PATJ: variants seen among roughly 807,000 people sequenced by gnomAD.
PATJ encodes the protein PATJ crumbs cell polarity complex component, also known as inaD-like protein.
Under a neutral mutation model 224.9 loss-of-function variants are expected in PATJ, and 190 were observed. That is an observed-to-expected ratio of 0.84 (90% confidence interval 0.75 to 0.95). PATJ has a LOEUF of 0.95. Ranked by LOEUF, PATJ falls within the 40% of genes least tolerant of loss-of-function variation. The probability of loss-of-function intolerance (pLI) is 0.00; values close to 1 mark genes in which losing one functional copy is unlikely to be tolerated. For synonymous variants in PATJ, 769 were observed against 820.3 expected (o/e 0.94, Z 1.07); for missense variants, 2,121 against 2,270.3 (o/e 0.93, Z 1.34).
At position 62,128,892 on chromosome 1, in the gene PATJ, C is replaced by T; in HGVS notation, c.5218C>T (p.His1740Tyr). Residue 1740 changes from histidine (H) to tyrosine (Y), a missense_variant, in exon 41 of 44, where the codon CAC (histidine) becomes TAC (tyrosine). His to Tyr is a moderately conservative substitution (Grantham distance 83). Coordinates refer to ENST00000642238, the MANE Select transcript of PATJ (RefSeq NM_001350145.3). ...CGGGCAACCTTTGGATGGGCTGTCT[C>T]ACGCGGATGTGGTTAATCTGCTGAA... ...INGQPLDGLSHADVVNLLKNA... is the reference protein window; with the variant it reads ...INGQPLDGLSYADVVNLLKNA... 2 of 1,613,740 alleles carry T rather than the reference C, an allele frequency of 1.2e-6. No homozygotes were observed. Among genetic ancestry groups the T allele is most frequent in the Non-Finnish European group, 1.7e-6 (2 of 1,179,672 alleles).
At position 61,886,819 on chromosome 1, in the gene PATJ, C is replaced by CAAAAAAAAAAAAAAAAAAACAAA. The variant is rs35950461; in HGVS notation, c.3131+2423_3131+2424insAAAAAAACAAAAAAAAAAAAAAA. Among the ~76,000 whole-genome samples the CAAAAAAAAAAAAAAAAAAACAAA allele has an allele frequency of 2.3e-5, 2 of 87,418 alleles. 1 individual carries two copies. Among genetic ancestry groups the CAAAAAAAAAAAAAAAAAAACAAA allele is most frequent in the Non-Finnish European group, 5.4e-5 (2 of 37,374 alleles). The allele number at this position is 87,418 out of a possible 152,430, so 57.3% of individuals were successfully genotyped here. On this transcript the variant is annotated intron_variant, in intron 22 of 43. Transcript: ENST00000642238. The stretch of plus-strand genomic sequence containing the variant: ...TGGGCAACAGAGCAAGACCCCATCT[C>CAAAAAAAAAAAAAAAAAAACAAA]AAAAAAAAAAAATTAGCCTGTTGTG...
At chr1:62,129,117 C>T (rs963201287) in intron 41 of PATJ, among the ~76,000 whole-genome samples, 172 bp downstream of exon 41, 1 of 152,108 alleles carries the variant, frequency 6.6e-6, no homozygotes, top group African/African-American at 2.4e-5. Context: ...TTAATGCCAC[C>T]CATACAGGTA....
At chr1:62,071,192 G>T (rs1291597957) in intron 31 of PATJ, among the ~76,000 whole-genome samples, 1 of 152,164 alleles carries the variant, frequency 6.6e-6, no homozygotes, top group Non-Finnish European at 1.5e-5. Flanking sequence ...GTCCTTTCTA[G>T]GTCGCTTCCA....
rs2149200692 is a variant in PATJ, at chr1:61,908,390, C to A, written c.3400C>A (p.Gln1134Lys). 4 of 1,612,822 alleles carry A rather than the reference C, an allele frequency of 2.5e-6. No individual in the cohort carries two copies. In the East Asian group the frequency reaches 8.9e-5, roughly 36 times the overall value. Residue 1134 changes from glutamine to lysine, a missense_variant, in exon 25 of 44, where the codon CAG becomes AAG. Physicochemically the swap from Gln to Lys is moderately conservative, Grantham distance 53 (BLOSUM62 1). Coordinates refer to ENST00000642238, the MANE Select transcript of PATJ (RefSeq NM_001350145.3). ...KILEVSGVDL[Q>K]NASHSEAVEA... is the part of the protein sequence containing the mutation. Reference sequence around the variant, plus strand: ...GTTTCAGGTGTCTGGAGTAGATTTGCAGAATGCCTCACACAGCGAAGCAGT... The same window carrying A: ...GTTTCAGGTGTCTGGAGTAGATTTGAAGAATGCCTCACACAGCGAAGCAGT...
chr1:62,114,387 G>A (rs748829077), intron 35 of PATJ, 141 bp downstream of exon 35: 1 of 788,324 alleles, frequency 1.3e-6, no homozygotes, highest in African/African-American at 1.8e-5. Flanking sequence ...GACAACATGG[G>A]TCATATTTCT....
intron 14 of PATJ, among the ~76,000 whole-genome samples, chr1:61,814,545 T>TGCGCGCGCGCGC (rs767050477): frequency 5.0e-5 from 7 of 138,622 alleles, no homozygotes; most frequent in African/African-American, 2.0e-4. Context: ...TGTGTGTGTG[T>TGCGCGCGCGCGC]GTGCGCGCGC....
chr1:61,991,767 G>A, intron 28 of PATJ: 3 of 980,356 alleles, frequency 3.1e-6, no homozygotes, highest in Non-Finnish European at 3.6e-6. Flanking sequence ...ATGACCTTAT[G>A]TAACCAATAT....
chr1:61,790,862 G>T (rs1197188171), intron 8 of PATJ, among the ~76,000 whole-genome samples: 1 of 152,112 alleles, frequency 6.6e-6, no homozygotes, highest in Non-Finnish European at 1.5e-5. Flanking sequence ...GGCCTGGCTG[G>T]GCTCTTTTCT....
chr1:62,108,646 T>A (rs1346225086), intron 34 of PATJ, 126 bp downstream of exon 34: 1 of 510,254 alleles, frequency 2.0e-6, no homozygotes, highest in African/African-American at 1.9e-5. Flanking sequence ...AAAATACTTA[T>A]CATATTCTTT....
At chr1:62,000,142 G>A (rs900465839) in intron 28 of PATJ, among the ~76,000 whole-genome samples, 2 of 151,776 alleles carry the variant, frequency 1.3e-5, no homozygotes, top group Admixed American at 1.3e-4. Context: ...TCCCGCCTCG[G>A]CCTCCCAACG....
At chr1:61,786,595 C>T (rs142708940) in intron 7 of PATJ, among the ~76,000 whole-genome samples, 222 of 152,250 alleles carry the variant, frequency 1.5e-3, no homozygotes, top group African/African-American at 5.2e-3. Context: ...CATGGCAACT[C>T]TATCTTTCTA....
chr1:61,744,901 A>T (rs1031355839), intron 1 of PATJ, among the ~76,000 whole-genome samples: 3 of 152,222 alleles, frequency 2.0e-5, no homozygotes, highest in Non-Finnish European at 4.4e-5. Context: ...TTGCTAGAGC[A>T]GCTCACGGAA....
At chr1:61,975,619 T>C (rs139479006) in intron 27 of PATJ, among the ~76,000 whole-genome samples, 18 of 152,172 alleles carry the variant, frequency 1.2e-4, no homozygotes, top group African/African-American at 4.3e-4. Context: ...AGCTTTCCTA[T>C]TCTTGGCCTG....
chr1:62,040,885 G>A (rs1397502671), intron 30 of PATJ, among the ~76,000 whole-genome samples: 2 of 152,140 alleles, frequency 1.3e-5, no homozygotes, highest in Admixed American at 1.3e-4. Context: ...AGTTGGAATG[G>A]ACCCTTGAAA....
At chr1:62,000,049 C>T (rs149625676) in intron 28 of PATJ, among the ~76,000 whole-genome samples, 4,590 of 151,728 alleles carry the variant, frequency 0.03, 217 homozygotes, top group African/African-American at 0.1. Context: ...CCACCATGCC[C>T]GGCTAATTTT....
At chr1:61,960,258 T>C (rs1445353491) in intron 27 of PATJ, among the ~76,000 whole-genome samples, 1 of 152,214 alleles carries the variant, frequency 6.6e-6, no homozygotes, top group East Asian at 1.9e-4. Flanking sequence ...CTCTTTGGAT[T>C]ATTTAGAGGA....
intron 20 of PATJ, among the ~76,000 whole-genome samples, chr1:61,869,328 G>C (rs955530587): frequency 4.0e-5 from 6 of 151,842 alleles, no homozygotes; most frequent in Non-Finnish European, 8.8e-5. Context: ...GGATGGTCTC[G>C]ATCTCCTGAC....
intron 29 of PATJ, among the ~76,000 whole-genome samples, chr1:62,032,163 T>G (rs1470271965): frequency 2.0e-5 from 3 of 151,864 alleles, no homozygotes; most frequent in Admixed American, 6.6e-5. Context: ...TCTGGAGGCT[T>G]TGGGGGAAAA....
At chr1:61,926,623 A>G (rs1463423771) in intron 26 of PATJ, among the ~76,000 whole-genome samples, 1 of 152,130 alleles carries the variant, frequency 6.6e-6, no homozygotes, top group Non-Finnish European at 1.5e-5. Flanking sequence ...CTATTGCCTA[A>G]GAGGCATTTT....
Sources: allele counts gnomAD v4.1 joint callset (sites outside exome capture counted in the v4.1 genomes callset), GRCh38; gene constraint gnomAD v4.1.1; transcripts MANE v1.5; gene names NCBI Gene and HGNC (gene_info 2026-07-23, HGNC 2026-07-21).